The following ZC3H3 variants were observed in gnomAD, a reference collection of about 807,000 sequenced individuals.
ZC3H3 encodes the protein zinc finger CCCH-type containing 3, also known as zinc finger CCCH domain-containing protein 3.
ZC3H3 carries 36 observed loss-of-function variants against 77.3 expected under a neutral mutation model. The observed-to-expected ratio is 0.47, with a 90% CI of 0.36 to 0.61. The LOEUF is 0.61. ZC3H3 is among the 20% of genes least tolerant of loss of function. The pLI is 0.00. For missense variants in ZC3H3, 1,331 were observed against 1,312.2 expected, an observed-to-expected ratio of 1.01 and a Z score of -0.22; for synonymous variants, 626 against 555.2, an observed-to-expected ratio of 1.13 and a Z score of -1.79.
chr8:143,445,584 T>A (rs1343660022), intron 9 of ZC3H3, among the ~76,000 whole-genome samples: 1 of 151,716 alleles, frequency 6.6e-6, no homozygotes, highest in Non-Finnish European at 1.5e-5. Flanking sequence ...TCCCTGCTGC[T>A]TGAGAGGCTG....
chr8:143,470,425 C>T (rs889130811), intron 5 of ZC3H3, among the ~76,000 whole-genome samples: 1 of 152,154 alleles, frequency 6.6e-6, no homozygotes, highest in Non-Finnish European at 1.5e-5. Flanking sequence ...GGGACCAACG[C>T]GGGGGTGCTC....
intron 4 of ZC3H3, among the ~76,000 whole-genome samples, chr8:143,491,180 C>G (rs372887302): frequency 1.3e-5 from 2 of 152,186 alleles, no homozygotes; most frequent in South Asian, 2.1e-4. Flanking sequence ...GCTCCGCCCT[C>G]CCCGGCCTGA....
At chr8:143,519,940 A>G (rs950301161) in intron 3 of ZC3H3, among the ~76,000 whole-genome samples, 2 of 152,130 alleles carry the variant, frequency 1.3e-5, no homozygotes, top group Admixed American at 1.3e-4. Context: ...GCCCCATGCC[A>G]TCCCAACAGA....
chr8:143,511,982 A>G (rs917153435), intron 3 of ZC3H3, among the ~76,000 whole-genome samples: 1 of 152,270 alleles, frequency 6.6e-6, no homozygotes, highest in East Asian at 1.9e-4. Flanking sequence ...CCCCCACAGC[A>G]GCAGACAGGA....
intron 5 of ZC3H3, among the ~76,000 whole-genome samples, chr8:143,471,738 G>T (rs1045047203): frequency 6.6e-6 from 1 of 152,302 alleles, no homozygotes; most frequent in East Asian, 1.9e-4. Flanking sequence ...AGCCCAGGGG[G>T]TCAGCCAGGA....
intron 3 of ZC3H3, among the ~76,000 whole-genome samples, chr8:143,535,102 T>C (rs1371455531): frequency 6.6e-6 from 1 of 152,102 alleles, no homozygotes; most frequent in South Asian, 2.1e-4. Flanking sequence ...TGGAATGCAA[T>C]GGAACGATCT....
rs910102408 is a variant in ZC3H3, at chr8:143,493,413, C to T, written c.1715+14333G>A. On this transcript the variant is annotated intron_variant, in intron 4 of 11. Coordinates refer to ENST00000262577, the MANE Select transcript of ZC3H3 (RefSeq NM_015117.3). This position sits in a 1 kb window ranked among gnomAD's most constrained non-coding sequence, Gnocchi z 4.8. ...TCAGGCCCTGGCAAGACTGGCTTCT[C>T]CTCCCTCTTCCCTACCCCAAACCAC... Among the ~76,000 whole-genome samples the T allele has an allele frequency of 6.6e-6, 1 of 152,230 alleles. No homozygotes were observed. The highest frequency in any genetic ancestry group is 6.5e-5 in the Admixed American group (1 of 15,286).
chr8:143,500,685 C>A (rs1821498357), intron 4 of ZC3H3, among the ~76,000 whole-genome samples: 1 of 152,214 alleles, frequency 6.6e-6, no homozygotes, highest in Non-Finnish European at 1.5e-5. Flanking sequence ...GAGAGGCAAT[C>A]ATGCCACACC....
chr8:143,522,753 T>C (rs1284698049), intron 3 of ZC3H3, among the ~76,000 whole-genome samples: 1 of 151,986 alleles, frequency 6.6e-6, no homozygotes, highest in Non-Finnish European at 1.5e-5. Context: ...ACCCTGTCTC[T>C]ACAAAAAAAA....
At chr8:143,450,722 A>G (rs1282293664) in intron 9 of ZC3H3, among the ~76,000 whole-genome samples, 1 of 152,164 alleles carries the variant, frequency 6.6e-6, no homozygotes, top group Non-Finnish European at 1.5e-5. Flanking sequence ...TGAACATTCC[A>G]TCACAAGAAT....
At position 143,539,165 on chromosome 8, in the gene ZC3H3, G is replaced by C; in HGVS notation, c.202C>G (p.Pro68Ala). 6.2e-7 allele frequency: 1 copy of C among 1,613,004 alleles called. No homozygotes were observed. ...AGGGAGTATTTCTTGCGCCACGAAG[G>C]CCCATGGTGGGAAGAGTAGCCCCTC... ...SRRGYSSHHGPSWRKKYSLVN... is the reference protein window; with the variant it reads ...SRRGYSSHHGASWRKKYSLVN... The change falls in exon 2 of 12, where the codon CCT (proline) becomes GCT (alanine). Residue 68 changes from proline (P) to alanine (A), a missense_variant. Around this residue, in one of 3 missense-constraint regions of ZC3H3, gnomAD observed 978 missense variants for 915.5 expected, o/e 1.07. Coordinates refer to ENST00000262577, the MANE Select transcript of ZC3H3 (RefSeq NM_015117.3).
intron 4 of ZC3H3, among the ~76,000 whole-genome samples, chr8:143,478,864 C>G (rs181203152): frequency 1.4e-3 from 217 of 152,324 alleles, no homozygotes; most frequent in African/African-American, 5.1e-3. Context: ...CCCTTCTCTT[C>G]CCTCCTAAAA....
rs758226612 is a variant in ZC3H3 at position 143,539,210 on chromosome 8, G to A, written c.157C>T (p.Arg53Cys). ...CCCCTCCGGCTTGGACGAGGGTAGC[G>A]GGCACTAAAGGCTCTGCCACTGTGG... ...TYHSGRAFSA[R>C]YPRPSRRGYS... is the part of the protein sequence containing the mutation. The change falls in exon 2 of 12, where the codon CGC (arginine) becomes TGC (cysteine). Residue 53 changes from arginine to cysteine, a missense_variant. Arg to Cys is a radical substitution (Grantham distance 180). Coordinates refer to ENST00000262577, the MANE Select transcript of ZC3H3 (RefSeq NM_015117.3). 20 of 1,612,804 alleles carry A rather than the reference G, an allele frequency of 1.2e-5. No homozygotes were observed. The East Asian group carries it at 3.1e-4, about 25-fold the overall frequency.
At chr8:143,521,958 G>C (rs113899335) in intron 3 of ZC3H3, among the ~76,000 whole-genome samples, 135 of 152,300 alleles carry the variant, frequency 8.9e-4, no homozygotes, top group African/African-American at 3.2e-3. Flanking sequence ...CTCCCTGCTG[G>C]GGGCTCAGGG....
intron 4 of ZC3H3, among the ~76,000 whole-genome samples, chr8:143,505,941 G>C (rs765842017): frequency 6.6e-6 from 1 of 152,242 alleles, no homozygotes; most frequent in Non-Finnish European, 1.5e-5. Flanking sequence ...CAGGGCAGCT[G>C]GCCAGGCTTC....
At chr8:143,508,678 T>C (rs1193540516) in intron 3 of ZC3H3, among the ~76,000 whole-genome samples, 1 of 152,028 alleles carries the variant, frequency 6.6e-6, no homozygotes, top group Non-Finnish European at 1.5e-5. Flanking sequence ...TCCCAACAGC[T>C]TCCCTGGCAG....
At chr8:143,457,770 G>C (rs1157434987) in intron 9 of ZC3H3, among the ~76,000 whole-genome samples, 1 of 152,152 alleles carries the variant, frequency 6.6e-6, no homozygotes, top group Non-Finnish European at 1.5e-5. Flanking sequence ...AGGACGCTGA[G>C]GCAGGAGGAT....
intron 3 of ZC3H3, among the ~76,000 whole-genome samples, chr8:143,523,767 A>C (rs1019764347): frequency 9.2e-5 from 14 of 152,212 alleles, no homozygotes; most frequent in African/African-American, 3.4e-4. Context: ...GCAAGAGAAG[A>C]GCTGCTGCCT....
At chr8:143,517,319 G>T (rs1206669191) in intron 3 of ZC3H3, among the ~76,000 whole-genome samples, 1 of 152,148 alleles carries the variant, frequency 6.6e-6, no homozygotes, top group Non-Finnish European at 1.5e-5. Context: ...GGGCCTCCCT[G>T]CCCTCCACGG....
Sources: gnomAD v4.1 joint callset for allele counts (sites outside exome capture counted in the v4.1 genomes callset) on GRCh38, gnomAD v4.1.1 for gene constraint, gnomAD v4.1.1 regional missense constraint, Gnocchi (gnomAD v3.1) non-coding constraint, MANE v1.5 for transcripts, NCBI Gene and HGNC (gene_info 2026-07-23, HGNC 2026-07-21) for gene names.